The following ASTN2 variants were observed in gnomAD, a reference collection of about 807,000 sequenced individuals.
ASTN2 encodes astrotactin-2.
ASTN2 carries 54 observed loss-of-function variants against 139.8 expected under a neutral mutation model. The ratio of observed to expected loss-of-function variants is 0.39; its 90% CI spans 0.31 to 0.48. The LOEUF is 0.48. ASTN2 is among the 20% of genes least tolerant of loss of function. The pLI is 0.95. For missense variants in ASTN2, 1,565 were observed against 1,725.1 expected, an observed-to-expected ratio of 0.91 and a Z score of 1.64; for synonymous variants, 756 against 719.5, an observed-to-expected ratio of 1.05 and a Z score of -0.81.
chr9:116,803,502 ATATATATATATATATATATATTTTTTTT>A (rs1271666758), intron 13 of ASTN2, among the ~76,000 whole-genome samples: 171 of 8,342 alleles, frequency 0.02, 2 homozygotes, highest in Non-Finnish European at 0.02. Context: ...ATATATATAT[ATATATATATATATATATATATTTTTTTT>A]TTTTTTTTTT....
At chr9:116,608,596 T>G (rs62576130) in intron 19 of ASTN2, among the ~76,000 whole-genome samples, 22,165 of 150,204 alleles carry the variant, frequency 0.15, 1,811 homozygotes, top group Middle Eastern at 0.19. Context: ...GAACAAAATA[T>G]TTTGAACAAA....
At chr9:116,900,927 G>A (rs1007039811) in intron 10 of ASTN2, among the ~76,000 whole-genome samples, 24 of 152,180 alleles carry the variant, frequency 1.6e-4, no homozygotes, top group African/African-American at 4.6e-4. Context: ...CGGGTAAAAC[G>A]TTTTACCATA....
At chr9:117,162,463 C>A (rs369818539) in intron 3 of ASTN2, among the ~76,000 whole-genome samples, 1 of 152,102 alleles carries the variant, frequency 6.6e-6, no homozygotes. Flanking sequence ...ATGCCCAGAG[C>A]ATTCTCCAAG....
intron 17 of ASTN2, among the ~76,000 whole-genome samples, chr9:116,642,384 G>A (rs1016398937): frequency 1.3e-5 from 2 of 151,994 alleles, no homozygotes; most frequent in African/African-American, 2.4e-5. Context: ...CACTCCAGTA[G>A]AAATTAATTT....
intron 10 of ASTN2, among the ~76,000 whole-genome samples, chr9:116,971,669 C>T (rs1385355512): frequency 6.6e-6 from 1 of 152,128 alleles, no homozygotes. Context: ...CACCATAGGT[C>T]GTCTTTAGCC....
intron 3 of ASTN2, among the ~76,000 whole-genome samples, chr9:117,201,411 GCT>G (rs1046036212): frequency 6.6e-6 from 1 of 151,586 alleles, no homozygotes. Context: ...TGGCTCTCTA[GCT>G]CTTTTAATTG....
chr9:117,266,635 AT>A (rs1050614818), intron 2 of ASTN2, among the ~76,000 whole-genome samples: 4 of 152,242 alleles, frequency 2.6e-5, no homozygotes, highest in Admixed American at 1.3e-4. Flanking sequence ...CTGCAAAAAA[AT>A]AAGTTGCCTT....
intron 3 of ASTN2, chr9:117,180,879 C>T: frequency 6.3e-7 from 1 of 1,581,696 alleles, no homozygotes; most frequent in Non-Finnish European, 8.6e-7. Context: ...GAAACTTGAA[C>T]TTGGCCCTGC....
chr9:116,788,784 C>G (rs2132218077), intron 13 of ASTN2, among the ~76,000 whole-genome samples: 1 of 151,994 alleles, frequency 6.6e-6, no homozygotes, highest in Middle Eastern at 3.4e-3. Flanking sequence ...TTTTCTATGA[C>G]AAGGGGTGAC....
intron 13 of ASTN2, among the ~76,000 whole-genome samples, chr9:116,794,852 C>T (rs73523306): frequency 0.019 from 2,857 of 152,268 alleles, 81 homozygotes; most frequent in African/African-American, 0.064. Context: ...AGTAGGTGAG[C>T]GAGACTGATG....
intron 10 of ASTN2, among the ~76,000 whole-genome samples, chr9:116,924,824 G>A (rs1454224757): frequency 6.6e-6 from 1 of 152,152 alleles, no homozygotes; most frequent in Non-Finnish European, 1.5e-5. Context: ...TTTATGACCT[G>A]GATCTTGTGC....
intron 11 of ASTN2, among the ~76,000 whole-genome samples, chr9:116,861,446 G>T: frequency 6.6e-6 from 1 of 152,148 alleles, no homozygotes; most frequent in East Asian, 1.9e-4. Flanking sequence ...TTGTCCACTG[G>T]CTGGGTTTCA....
At chr9:116,758,839 CT>C (rs1829599227) in intron 13 of ASTN2, among the ~76,000 whole-genome samples, 1 of 152,148 alleles carries the variant, frequency 6.6e-6, no homozygotes, top group African/African-American at 2.4e-5. Flanking sequence ...TAGTATAGTG[CT>C]TGGCTTAGTG....
At chr9:116,671,009 G>A (rs989360005) in intron 16 of ASTN2, among the ~76,000 whole-genome samples, 1 of 152,054 alleles carries the variant, frequency 6.6e-6, no homozygotes, top group Non-Finnish European at 1.5e-5. Flanking sequence ...TCTGCACAAG[G>A]ACATTTTTGC....
At chr9:117,332,459 C>T (rs138430765) in intron 1 of ASTN2, among the ~76,000 whole-genome samples, 117 of 152,242 alleles carry the variant, frequency 7.7e-4, no homozygotes, top group African/African-American at 2.6e-3. Context: ...GTCCGAGCTA[C>T]TCAGGAGGCT....
intron 5 of ASTN2, among the ~76,000 whole-genome samples, chr9:117,072,583 T>G (rs1828164516): frequency 6.6e-6 from 1 of 152,168 alleles, no homozygotes; most frequent in South Asian, 2.1e-4. Flanking sequence ...TTTGAACAGA[T>G]GTTTAGAACT....
At chr9:116,868,089 T>C (rs7029885) in intron 10 of ASTN2, among the ~76,000 whole-genome samples, 139,355 of 152,108 alleles carry the variant, frequency 0.92, 63,919 homozygotes, top group African/African-American at 0.93. Flanking sequence ...TGCCCTGGGG[T>C]ATCAGGATAC....
intron 7 of ASTN2, among the ~76,000 whole-genome samples, chr9:116,992,698 T>G (rs1014359761): frequency 2.6e-5 from 4 of 152,160 alleles, no homozygotes; most frequent in African/African-American, 9.7e-5. Flanking sequence ...GTATAAAAAC[T>G]GGGTCTTGGG....
At chr9:117,378,158 G>A (rs911656989) in intron 1 of ASTN2, among the ~76,000 whole-genome samples, 1 of 152,138 alleles carries the variant, frequency 6.6e-6, no homozygotes, top group East Asian at 1.9e-4. Flanking sequence ...ACAACAAAAG[G>A]CTTGGCAGGT....
Sources: allele counts gnomAD v4.1 joint callset (sites outside exome capture counted in the v4.1 genomes callset), GRCh38; gene constraint gnomAD v4.1.1; transcripts MANE v1.5; gene names NCBI Gene and HGNC (gene_info 2026-07-23, HGNC 2026-07-21).